The following SMTNL2 variants were observed in gnomAD, a reference collection of about 807,000 sequenced individuals.
The protein encoded by SMTNL2 is smoothelin-like protein 2.
In SMTNL2, 43 loss-of-function variants were observed where a neutral mutation model predicts 44.1. That is an observed-to-expected ratio of 0.98 (90% CI 0.76 to 1.26). The LOEUF is 1.26. Among genes scored for constraint, SMTNL2 ranks in the 50% most tolerant of loss-of-function variants. The pLI, the probability that SMTNL2 is intolerant of heterozygous loss-of-function variation, is 0.00. For synonymous variants in SMTNL2, 317 were observed against 287.6 expected, an observed-to-expected ratio of 1.10 and a Z score of -1.03; for missense variants, 646 against 670.2, an observed-to-expected ratio of 0.96 and a Z score of 0.40.
rs550390474 is a variant in SMTNL2, at chr17:4,592,459, C to T, written c.487+11C>T. On this transcript the variant is annotated intron_variant, in intron 2 of 7. Coordinates refer to ENST00000389313, the MANE Select transcript of SMTNL2 (RefSeq NM_001114974.2). This position sits in a 1 kb window ranked among gnomAD's most constrained non-coding sequence, Gnocchi z 4.5. The stretch of plus-strand genomic sequence containing the variant: ...ACCAGCCGGGGGCAGGTAGGGCTGA[C>T]GGCAGAGGAGGGGTGGCTGGGTAGG... 9.3e-6 allele frequency: 15 copies of T among 1,609,044 alleles called. No homozygotes were observed. Among genetic ancestry groups the T allele is most frequent in the East Asian group, 2.2e-5 (1 of 44,780 alleles).
In SMTNL2 at chr17:4,595,115, C is replaced by G. The variant is rs372704923; in HGVS notation, c.807-30C>G. 1.9e-6 allele frequency: 3 copies of G among 1,612,844 alleles called. No individual in the cohort carries two copies. The African/African-American group carries it at 4.0e-5, about 22-fold the overall frequency. On this transcript the variant is annotated intron_variant, in intron 4 of 7. Coordinates refer to ENST00000389313, the MANE Select transcript of SMTNL2 (RefSeq NM_001114974.2). The surrounding 1 kb of genome is among the most constrained non-coding windows in gnomAD (Gnocchi z 5.1). ...GTGAGCTAGTGATGGCTGCTGGGCC[C>G]AGGTCCCAACTCGGCGATTCTTTCC...
intron 7 of SMTNL2, among the ~76,000 whole-genome samples, chr17:4,606,303 G>T (rs1156876956): frequency 6.6e-6 from 1 of 151,822 alleles, no homozygotes; most frequent in East Asian, 2.0e-4. Flanking sequence ...TGTATTTTTA[G>T]TAGAGACAAG....
intron 1 of SMTNL2, among the ~76,000 whole-genome samples, chr17:4,589,676 C>T (rs993578448): frequency 6.6e-6 from 1 of 152,118 alleles, no homozygotes; most frequent in Admixed American, 6.6e-5. Flanking sequence ...CCTTTCTCAC[C>T]CTATGAATGT....
intron 7 of SMTNL2, among the ~76,000 whole-genome samples, chr17:4,599,909 G>A (rs910585302): frequency 1.3e-5 from 2 of 152,190 alleles, no homozygotes; most frequent in African/African-American, 2.4e-5. Flanking sequence ...CGTGGGCCCC[G>A]CCTCCCGGTG....
intron 3 of SMTNL2, 134 bp from the exon 4 acceptor site, chr17:4,593,688 C>A: frequency 1.2e-6 from 1 of 825,266 alleles, no homozygotes; most frequent in Non-Finnish European, 1.9e-6. Context: ...GCAGGGCCAG[C>A]TTAGCCCAGA....
chr17:4,588,188 G>A (rs1469849457), intron 1 of SMTNL2, among the ~76,000 whole-genome samples: 1 of 152,248 alleles, frequency 6.6e-6, no homozygotes, highest in Admixed American at 6.5e-5. Flanking sequence ...TTAGGATGGG[G>A]CTCTGGCCCT....
In SMTNL2 at chr17:4,584,950, G is replaced by A; in HGVS notation, c.345G>A (p.Leu115=). Residue 115 remains leucine, a synonymous_variant, in exon 1 of 8, where the codon CTG becomes CTA. Transcript: ENST00000389313. ...GGGTTCCCGACCGCGCGCCCCGCCT[G>A]GGCAGCGCACGCTTCGCCAGCCACG... is the stretch of plus-strand genomic sequence containing the variant. ...APGVPDRAPR[L]GSARFASHAT... 1 of 1,353,860 alleles carries A rather than the reference G, an allele frequency of 7.4e-7. No homozygotes were observed. The highest frequency in any genetic ancestry group is 9.5e-7 in the Non-Finnish European group (1 of 1,055,338). 83.9% of individuals were successfully genotyped at this position (1,353,860 alleles called of 1,614,324 possible).
In SMTNL2 at chr17:4,592,122, T is replaced by C. The variant is rs1412677676; in HGVS notation, c.400-239T>C. On this transcript the variant is annotated intron_variant, in intron 1 of 7. Coordinates refer to ENST00000389313, the MANE Select transcript of SMTNL2 (RefSeq NM_001114974.2). The surrounding 1 kb of genome is among the most constrained non-coding windows in gnomAD (Gnocchi z 4.5). ...ACTTCTGTCCTCAGCTTTTTGGGACTCTGGGAGGAGCCCAGTGGAGGTGTT... is the reference window on the plus strand; with the variant it reads ...ACTTCTGTCCTCAGCTTTTTGGGACCCTGGGAGGAGCCCAGTGGAGGTGTT... Among the ~76,000 whole-genome samples, 1 of 152,234 alleles carries C rather than the reference T, an allele frequency of 6.6e-6. No individual in the cohort carries two copies. Among genetic ancestry groups the C allele is most frequent in the East Asian group, 1.9e-4 (1 of 5,192 alleles).
Position 4,584,757 on chromosome 17 carries a change from GC to G in SMTNL2, c.154del (p.Leu52TrpfsTer26). On this transcript the variant is annotated frameshift_variant, in exon 1 of 8. Coordinates refer to ENST00000389313, the MANE Select transcript of SMTNL2 (RefSeq NM_001114974.2). LOFTEE classifies it high-confidence loss of function. ...GAGCGGCGAGTGGCAGAGGCGATGC[GC>G]CTGGCCGGCCCCCTGGCGCGCACGG... ...GVERRVAEAM[R>X]LAGPLARTVA... The G allele has an allele frequency of 7.6e-7, 1 of 1,307,528 alleles. No homozygotes were observed. The highest frequency in any genetic ancestry group is 9.7e-7 in the Non-Finnish European group (1 of 1,031,658). The allele number at this position is 1,307,528 out of a possible 1,614,324, so 81.0% of individuals were successfully genotyped here. A position where few individuals can be genotyped will look rare whatever the true frequency, so the allele number is the denominator to read the frequency against.
chr17:4,607,397 G>A lies in SMTNL2; in HGVS notation c.1296G>A (p.Glu432=). 1.2e-6 allele frequency: 2 copies of A among 1,614,176 alleles called. No homozygotes were observed. Among genetic ancestry groups the A allele is most frequent in the African/African-American group, 1.3e-5 (1 of 75,028 alleles). The change falls in exon 8 of 8, where the codon GAG becomes GAA. Residue 432 remains glutamate, a synonymous_variant. Coordinates refer to ENST00000389313, the MANE Select transcript of SMTNL2 (RefSeq NM_001114974.2). The surrounding 1 kb of genome is among the most constrained non-coding windows in gnomAD (Gnocchi z 4.7). ...ACTGTGAGCGCCTCATCGAAGTGGAGGACATGATGGTGATGGGCCGCAAGC... is the reference window on the plus strand; with the variant it reads ...ACTGTGAGCGCCTCATCGAAGTGGAAGACATGATGGTGATGGGCCGCAAGC... ...LANCERLIEV[E]DMMVMGRKPD...
chr17:4,606,751 A>G (rs760939400), intron 7 of SMTNL2, among the ~76,000 whole-genome samples: 74 of 148,234 alleles, frequency 5.0e-4, no homozygotes, highest in Non-Finnish European at 7.6e-4. Flanking sequence ...CTAAAAATAC[A>G]AAAAAAAAAT....
intron 1 of SMTNL2, among the ~76,000 whole-genome samples, chr17:4,585,594 C>T (rs372414001): frequency 6.6e-6 from 1 of 152,340 alleles, no homozygotes; most frequent in East Asian, 1.9e-4. Context: ...CGCCTTGAGC[C>T]GTGTCTAGAT....
chr17:4,596,216 C>T (rs1909804734), intron 5 of SMTNL2, among the ~76,000 whole-genome samples: 1 of 140,748 alleles, frequency 7.1e-6, no homozygotes, highest in South Asian at 2.1e-4. Flanking sequence ...CTGCTGTGTG[C>T]AGAGTGTGGC....
chr17:4,584,995 C>T lies in SMTNL2; in HGVS notation c.390C>T (p.Gly130=). 7.3e-7 allele frequency: 1 copy of T among 1,363,134 alleles called. No individual in the cohort carries two copies. 84.4% of individuals were successfully genotyped at this position (1,363,134 alleles called of 1,614,324 possible). The change falls in exon 1 of 8, where the codon GGC becomes GGT. Residue 130 remains glycine, a synonymous_variant. Transcript: ENST00000389313. ...FASHATFSLS[G]RGQSLDHDEA... ...GCCACGCCACCTTCTCGCTGTCCGG[C>T]CGCGGCCAGGTGAGCCCGGGGGAGC...
intron 6 of SMTNL2, 93 bp from the exon 7 acceptor site, chr17:4,597,079 G>A (rs1909849627): frequency 2.6e-6 from 4 of 1,527,232 alleles, no homozygotes; most frequent in Non-Finnish European, 3.5e-6. Context: ...AGCCCGCTGA[G>A]GCTGGGGTTA....
intron 1 of SMTNL2, among the ~76,000 whole-genome samples, chr17:4,591,073 C>A (rs1385157401): frequency 2.0e-5 from 3 of 152,192 alleles, no homozygotes; most frequent in African/African-American, 7.2e-5. Flanking sequence ...GCTCAGGCAC[C>A]CCTGCCTCTG....
chr17:4,589,056 C>T (rs1389704390), intron 1 of SMTNL2, among the ~76,000 whole-genome samples: 2 of 152,218 alleles, frequency 1.3e-5, no homozygotes, highest in East Asian at 3.9e-4. Context: ...AGTCTGGGCT[C>T]AGCCCTACAC....
intron 4 of SMTNL2, among the ~76,000 whole-genome samples, chr17:4,594,292 T>C (rs1467946586): frequency 6.6e-6 from 1 of 151,806 alleles, no homozygotes; most frequent in Non-Finnish European, 1.5e-5. Context: ...CCACTAAAAA[T>C]ACAAAAATTA....
chr17:4,600,758 C>T lies in SMTNL2; in HGVS notation c.1259+3435C>T, dbSNP rs977940574. ...CCTGACCCTTCTGCACCCGTCCTTT[C>T]CACCTCTGCAGAGGCCCAGTGCAGG... On this transcript the variant is annotated intron_variant, in intron 7 of 7. Coordinates refer to ENST00000389313, the MANE Select transcript of SMTNL2 (RefSeq NM_001114974.2). The surrounding 1 kb of genome is among the most constrained non-coding windows in gnomAD (Gnocchi z 4.7). 2.0e-5 allele frequency among the ~76,000 whole-genome samples: 3 copies of T among 152,168 alleles called. No individual in the cohort carries two copies. Among genetic ancestry groups the T allele is most frequent in the African/African-American group, 7.2e-5 (3 of 41,442 alleles).
Sources: gnomAD v4.1 joint callset for allele counts (sites outside exome capture counted in the v4.1 genomes callset) on GRCh38, gnomAD v4.1.1 for gene constraint, Gnocchi (gnomAD v3.1) non-coding constraint, MANE v1.5 for transcripts, NCBI Gene and HGNC (gene_info 2026-07-23, HGNC 2026-07-21) for gene names.